FKTN: variants seen among roughly 807,000 people sequenced by gnomAD.
FKTN encodes the protein fukutin, also known as ribitol-5-phosphate transferase FKTN.
In FKTN, 47 loss-of-function variants were observed where a neutral mutation model predicts 58.6. That is an observed-to-expected ratio of 0.80 (90% CI 0.63 to 1.02). The LOEUF is 1.02. Ranked by LOEUF, FKTN falls within the 50% of genes least tolerant of loss-of-function variation. FKTN has a pLI of 0.00. For missense variants in FKTN, 516 were observed against 537.3 expected (o/e 0.96, Z 0.39); for synonymous variants, 178 against 191.9 (o/e 0.93, Z 0.60).
chr9:105,638,673 T>C lies in FKTN; in HGVS notation c.*3409T>C. The C allele has an allele frequency of 1.0e-6, 1 of 985,290 alleles. No homozygotes were observed. Among genetic ancestry groups the C allele is most frequent in the South Asian group, 4.7e-5 (1 of 21,286 alleles). The allele number at this position is 985,290 out of a possible 1,614,324, so 61.0% of individuals were successfully genotyped here. Reference sequence around the variant, plus strand: ...ATAATAGATGTAACTGGAGTCACTTTGCAGTTTTCAAGATTTTTTTTTTAT... The same window carrying C: ...ATAATAGATGTAACTGGAGTCACTTCGCAGTTTTCAAGATTTTTTTTTTAT... On this transcript the variant is annotated 3_prime_UTR_variant, in exon 11 of 11. Coordinates refer to ENST00000357998, the MANE Select transcript of FKTN (RefSeq NM_001079802.2).
intron 1 of FKTN, among the ~76,000 whole-genome samples, chr9:105,573,352 A>G (rs888575857): frequency 4.0e-5 from 6 of 151,680 alleles, no homozygotes; most frequent in African/African-American, 1.5e-4. Context: ...CAGGCTCAGT[A>G]GTAGCTCACA....
chr9:105,607,791 A>G (rs371127411), intron 6 of FKTN, 28 bp from the exon 7 acceptor site: 47 of 1,601,608 alleles, frequency 2.9e-5, no homozygotes, highest in African/African-American at 6.7e-5. Context: ...CCCACCCCTC[A>G]TTAATAAATC....
chr9:105,636,900 C>CA lies in FKTN; in HGVS notation c.*1638dup. 9.1e-7 allele frequency: 1 copy of CA among 1,095,890 alleles called. No individual in the cohort carries two copies. The allele number at this position is 1,095,890 out of a possible 1,614,324, so 67.9% of individuals were successfully genotyped here. A position where few individuals can be genotyped will look rare whatever the true frequency, so the allele number is the denominator to read the frequency against. ...ATGAAAACCTTTGATAAATGATAAC[C>CA]AACAGTCTTCTGTCCTAATTTGCAT... On this transcript the variant is annotated 3_prime_UTR_variant, in exon 11 of 11. Transcript: ENST00000357998.
rs78182480 is a variant in FKTN at position 105,573,989 on chromosome 9, A to G, written c.-89+243A>G. 9.1e-3 allele frequency among the ~76,000 whole-genome samples: 1,384 copies of G among 152,316 alleles called. 17 individuals carry two copies. The highest frequency in any genetic ancestry group is 0.031 in the African/African-American group (1,304 of 41,582). On this transcript the variant is annotated intron_variant, in intron 2 of 10. Coordinates refer to ENST00000357998, the MANE Select transcript of FKTN (RefSeq NM_001079802.2). ...TTTTTGATAAACTGCAAGAAGATGA[A>G]TATCAGTCATACAGTAGATGAACAG...
chr9:105,583,311 A>T (rs1184858430), intron 3 of FKTN, among the ~76,000 whole-genome samples: 2 of 152,192 alleles, frequency 1.3e-5, no homozygotes, highest in East Asian at 3.9e-4. Context: ...TGAGGTTTTG[A>T]GAGACTTACT....
intron 3 of FKTN, among the ~76,000 whole-genome samples, chr9:105,587,286 T>C (rs1337058159): frequency 1.3e-5 from 2 of 152,118 alleles, no homozygotes; most frequent in Non-Finnish European, 2.9e-5. Context: ...TAGTAGCCTA[T>C]GTATGTTTGG....
intron 1 of FKTN, among the ~76,000 whole-genome samples, chr9:105,570,298 T>G (rs994542016): frequency 2.0e-5 from 3 of 152,160 alleles, no homozygotes; most frequent in Non-Finnish European, 4.4e-5. Context: ...TCAGCCAATT[T>G]TAGGCTGGTG....
chr9:105,607,566 T>A (rs1421698345), intron 6 of FKTN, among the ~76,000 whole-genome samples: 1 of 151,960 alleles, frequency 6.6e-6, no homozygotes, highest in Non-Finnish European at 1.5e-5. Context: ...AGGCTGCCAG[T>A]ATTCTGGGTT....
Position 105,635,052 on chromosome 9 carries a change from T to TA in FKTN, c.1175dup (p.Tyr392Ter), listed in dbSNP as rs1383324318. 1.9e-6 allele frequency: 3 copies of TA among 1,613,882 alleles called. No individual in the cohort carries two copies. The African/African-American group carries it at 4.0e-5, about 22-fold the overall frequency. ...CCTAATCCCTCTGTTTTGCTGCAGA[T>TA]ACCTGTTTCCGAAGTTTACACTGTG... ...TQAKTGKKFK[Y>*]LFPKFTLCWT... The change falls in exon 11 of 11, where the codon TAC becomes TAAC. Residue 392 changes from tyrosine (Y) to a stop codon, truncating the protein, a stop_gained and frameshift_variant and splice_region_variant. Coordinates refer to ENST00000357998, the MANE Select transcript of FKTN (RefSeq NM_001079802.2). LOFTEE classifies it high-confidence loss of function.
intron 7 of FKTN, among the ~76,000 whole-genome samples, chr9:105,611,958 C>T (rs1290224343): frequency 6.6e-6 from 1 of 152,176 alleles, no homozygotes; most frequent in East Asian, 1.9e-4. Flanking sequence ...CTAATTTACA[C>T]TCCCACCAAC....
chr9:105,607,214 A>C (rs1192522044), intron 6 of FKTN, among the ~76,000 whole-genome samples: 2 of 152,102 alleles, frequency 1.3e-5, no homozygotes, highest in Non-Finnish European at 2.9e-5. Flanking sequence ...GATCCAAAAT[A>C]CATAAGATAG....
chr9:105,583,601 A>G (rs1843404782), intron 3 of FKTN, among the ~76,000 whole-genome samples: 1 of 152,130 alleles, frequency 6.6e-6, no homozygotes, highest in Admixed American at 6.6e-5. Flanking sequence ...AGTTTGAAGA[A>G]TATTAAACCT....
rs556478859 is a variant in FKTN, at chr9:105,563,508, C to A, written c.-181+5343C>A. ...AACAGCACACCAGGAGATTATATCC[C>A]ACGCCTGGCTCGGAGGGTCCTATGC... is the stretch of plus-strand genomic sequence containing the variant. On this transcript the variant is annotated intron_variant, in intron 1 of 10. Transcript: ENST00000357998. 2.0e-3 allele frequency among the ~76,000 whole-genome samples: 302 copies of A among 152,278 alleles called. 3 individuals are homozygous for A. The highest frequency in any genetic ancestry group is 6.9e-3 in the African/African-American group (286 of 41,546).
chr9:105,581,164 G>C (rs1564233510), intron 3 of FKTN, among the ~76,000 whole-genome samples: 1 of 149,570 alleles, frequency 6.7e-6, no homozygotes, highest in African/African-American at 2.5e-5. Flanking sequence ...TCTTCTCTCA[G>C]CTCGTCAAAG....
rs1374107721 is a variant in FKTN, at chr9:105,636,723, T to C, written c.*1459T>C. The C allele has an allele frequency of 7.7e-7, 1 of 1,298,856 alleles. No individual in the cohort carries two copies. Among genetic ancestry groups the C allele is most frequent in the South Asian group, 1.2e-5 (1 of 80,124 alleles). The allele number at this position is 1,298,856 out of a possible 1,614,324, so 80.5% of individuals were successfully genotyped here. A position where few individuals can be genotyped will look rare whatever the true frequency, so the allele number is the denominator to read the frequency against. On this transcript the variant is annotated 3_prime_UTR_variant, in exon 11 of 11. Transcript: ENST00000357998. ...ATCTATGCTATTTAGGACTACTTTC[T>C]GGAGCTTGGCAGATTTTCCTCTGAC... is the stretch of plus-strand genomic sequence containing the variant.
rs1045549173 is a variant in FKTN, at chr9:105,639,765, A to G, written c.*4501A>G. Reference sequence around the variant, plus strand: ...GCCTCCTTCTCTCAATAGAACTTGTATTTTCATTTTCTTGGTTAAGCAGTT... The same window carrying G: ...GCCTCCTTCTCTCAATAGAACTTGTGTTTTCATTTTCTTGGTTAAGCAGTT... On this transcript the variant is annotated 3_prime_UTR_variant, in exon 11 of 11. Coordinates refer to ENST00000357998, the MANE Select transcript of FKTN (RefSeq NM_001079802.2). 23 of 1,073,624 alleles carry G rather than the reference A, an allele frequency of 2.1e-5. No individual in the cohort carries two copies. The East Asian group carries it at 1.4e-3, about 64-fold the overall frequency. The allele number at this position is 1,073,624 out of a possible 1,614,324, so 66.5% of individuals were successfully genotyped here. A position where few individuals can be genotyped will look rare whatever the true frequency, so the allele number is the denominator to read the frequency against.
At chr9:105,629,149 C>T (rs1396394756) in intron 10 of FKTN, among the ~76,000 whole-genome samples, 1 of 152,036 alleles carries the variant, frequency 6.6e-6, no homozygotes, top group Non-Finnish European at 1.5e-5. Flanking sequence ...ATCACTTGAG[C>T]CCAGGAGTTC....
At chr9:105,585,231 C>T (rs1237387730) in intron 3 of FKTN, among the ~76,000 whole-genome samples, 1 of 152,090 alleles carries the variant, frequency 6.6e-6, no homozygotes, top group Non-Finnish European at 1.5e-5. Flanking sequence ...TCAAGACCAG[C>T]CTGGGCAACA....
chr9:105,615,143 C>T (rs1418194422), intron 7 of FKTN, 135 bp from the exon 8 acceptor site: 2 of 945,072 alleles, frequency 2.1e-6, no homozygotes, highest in African/African-American at 3.3e-5. Flanking sequence ...CTTGGCTTCC[C>T]AAAGTTCTGG....
Sources: allele counts gnomAD v4.1 joint callset (sites outside exome capture counted in the v4.1 genomes callset), GRCh38; gene constraint gnomAD v4.1.1; transcripts MANE v1.5; gene names NCBI Gene and HGNC (gene_info 2026-07-23, HGNC 2026-07-21).